Variants in DNM3 observed in about 807,000 individuals in gnomAD.
DNM3 encodes dynamin 3, also known as dynamin-3.
DNM3 carries 47 observed loss-of-function variants against 101.6 expected under a neutral mutation model. The ratio of observed to expected loss-of-function variants is 0.46; its 90% CI spans 0.37 to 0.59. The LOEUF (loss-of-function observed/expected upper bound fraction) is 0.59, where lower values mean the gene tolerates loss of function less well. Among genes scored for constraint, DNM3 ranks in the 20% least tolerant of loss-of-function variants. DNM3 has a pLI of 0.00. For synonymous variants in DNM3, 385 were observed against 387.9 expected, an observed-to-expected ratio of 0.99 and a Z score of 0.09; for missense variants, 849 against 1,085.7, an observed-to-expected ratio of 0.78 and a Z score of 3.06.
At chr1:172,330,975 C>T (rs1161734204) in intron 17 of DNM3, among the ~76,000 whole-genome samples, 1 of 152,134 alleles carries the variant, frequency 6.6e-6, no homozygotes, top group Non-Finnish European at 1.5e-5. Context: ...TTTGTTACCT[C>T]TTTTCCGTTT....
intron 4 of DNM3, among the ~76,000 whole-genome samples, chr1:172,025,431 T>C (rs2048137622): frequency 6.6e-6 from 1 of 152,210 alleles, no homozygotes; most frequent in South Asian, 2.1e-4. Context: ...GTGGATCTCT[T>C]AGCACAGCAT....
At chr1:172,271,572 G>A (rs997977462) in intron 15 of DNM3, among the ~76,000 whole-genome samples, 3 of 152,066 alleles carry the variant, frequency 2.0e-5, no homozygotes, top group Non-Finnish European at 4.4e-5. Context: ...TCACACAGAT[G>A]TGTAGAAAAT....
chr1:172,339,763 A>G (rs1312793311), intron 17 of DNM3, among the ~76,000 whole-genome samples: 1 of 152,168 alleles, frequency 6.6e-6, no homozygotes, highest in Admixed American at 6.5e-5. Context: ...AGTTCTGTTC[A>G]ACAATTTTTT....
chr1:171,946,915 T>C (rs1019519679), intron 2 of DNM3, among the ~76,000 whole-genome samples: 1 of 152,190 alleles, frequency 6.6e-6, no homozygotes, highest in Non-Finnish European at 1.5e-5. Flanking sequence ...ACTCACTCAT[T>C]ACTGCCAGGA....
intron 2 of DNM3, among the ~76,000 whole-genome samples, chr1:171,965,042 A>T (rs964801889): frequency 3.3e-5 from 5 of 152,106 alleles, no homozygotes; most frequent in Non-Finnish European, 7.4e-5. Flanking sequence ...CAGACTCCAC[A>T]GGTTGATGTC....
At chr1:172,276,585 G>GTGTGTGTGTGTGTA (rs1439139115) in intron 15 of DNM3, among the ~76,000 whole-genome samples, 2 of 151,618 alleles carry the variant, frequency 1.3e-5, no homozygotes, top group African/African-American at 2.4e-5. Context: ...GTGTGTGTGT[G>GTGTGTGTGTGTGTA]TATAGGACTA....
At chr1:172,286,976 T>C (rs2586393) in intron 15 of DNM3, among the ~76,000 whole-genome samples, 96,905 of 152,046 alleles carry the variant, frequency 0.64, 33,244 homozygotes, top group African/African-American at 0.91. Context: ...GCAGAGCTCA[T>C]CAGAACATCT....
chr1:172,211,205 G>C (rs1029777854), intron 14 of DNM3, among the ~76,000 whole-genome samples: 4 of 151,924 alleles, frequency 2.6e-5, no homozygotes, highest in South Asian at 4.2e-4. Context: ...ACTAATTAAG[G>C]CTTCAGAAAA....
intron 14 of DNM3, among the ~76,000 whole-genome samples, chr1:172,186,239 T>A (rs921780740): frequency 1.4e-4 from 22 of 152,088 alleles, no homozygotes; most frequent in African/African-American, 5.3e-4. Flanking sequence ...TACCTCAAAG[T>A]GCAGAGTGCT....
At chr1:172,262,711 G>A (rs2062709233) in intron 15 of DNM3, among the ~76,000 whole-genome samples, 1 of 152,096 alleles carries the variant, frequency 6.6e-6, no homozygotes, top group Non-Finnish European at 1.5e-5. Context: ...CATGGAAGAG[G>A]CAAATACCAG....
At chr1:172,177,967 G>A (rs1348955421) in intron 14 of DNM3, among the ~76,000 whole-genome samples, 1 of 151,728 alleles carries the variant, frequency 6.6e-6, no homozygotes, top group Non-Finnish European at 1.5e-5. Context: ...GTGTTATCAG[G>A]CGCTTTCTTT....
At chr1:172,233,995 C>G (rs1407900913) in intron 14 of DNM3, among the ~76,000 whole-genome samples, 1 of 152,108 alleles carries the variant, frequency 6.6e-6, no homozygotes, top group Admixed American at 6.5e-5. Flanking sequence ...CAGGGATGCC[C>G]TCTCTCACCA....
chr1:171,917,054 T>C (rs1244608528), intron 1 of DNM3, among the ~76,000 whole-genome samples: 2 of 152,238 alleles, frequency 1.3e-5, no homozygotes, highest in African/African-American at 2.4e-5. Flanking sequence ...GTACCTGTTA[T>C]GCTTATTATA....
At chr1:172,300,948 T>A (rs553393510) in intron 15 of DNM3, among the ~76,000 whole-genome samples, 4 of 152,280 alleles carry the variant, frequency 2.6e-5, no homozygotes, top group Admixed American at 2.0e-4. Flanking sequence ...CCTGTTCAGT[T>A]TTTCACATCA....
intron 2 of DNM3, among the ~76,000 whole-genome samples, chr1:171,968,520 A>G (rs1434922825): frequency 1.3e-5 from 2 of 152,176 alleles, no homozygotes; most frequent in Non-Finnish European, 2.9e-5. Context: ...AGGGGACTTC[A>G]TTATCATGCC....
intron 15 of DNM3, among the ~76,000 whole-genome samples, chr1:172,273,725 A>C (rs2063170014): frequency 6.6e-6 from 1 of 152,060 alleles, no homozygotes; most frequent in Admixed American, 6.6e-5. Flanking sequence ...CTTTTTGATA[A>C]ACTTCTCTGT....
intron 14 of DNM3, among the ~76,000 whole-genome samples, chr1:172,243,545 C>T (rs1417653719): frequency 6.6e-6 from 1 of 152,092 alleles, no homozygotes; most frequent in African/African-American, 2.4e-5. Flanking sequence ...TTATCTTTCT[C>T]CTGCCAAGTG....
At chr1:172,242,228 C>G (rs1255792382) in intron 14 of DNM3, among the ~76,000 whole-genome samples, 1 of 152,104 alleles carries the variant, frequency 6.6e-6, no homozygotes, top group Non-Finnish European at 1.5e-5. Flanking sequence ...TGGGGCAGGG[C>G]AAGAAATGGG....
chr1:171,973,827 C>T (rs367654115), intron 2 of DNM3, among the ~76,000 whole-genome samples: 59 of 152,074 alleles, frequency 3.9e-4, no homozygotes, highest in Non-Finnish European at 4.6e-4. Flanking sequence ...TTATGCCTGG[C>T]TAATTTTTTG....
Sources: allele counts gnomAD v4.1 joint callset (sites outside exome capture counted in the v4.1 genomes callset), GRCh38; gene constraint gnomAD v4.1.1; transcripts MANE v1.5; gene names NCBI Gene and HGNC (gene_info 2026-07-23, HGNC 2026-07-21).